Variants in CDC25C observed in about 807,000 individuals in gnomAD.
CDC25C encodes M-phase inducer phosphatase 3.
CDC25C carries 48 observed loss-of-function variants against 52.5 expected under a neutral mutation model. That is an observed-to-expected ratio of 0.91 (90% CI 0.72 to 1.16). The LOEUF (loss-of-function observed/expected upper bound fraction) is 1.16. Among genes scored for constraint, CDC25C ranks in the 50% most tolerant of loss-of-function variants. The pLI is 0.00. For synonymous variants in CDC25C, 187 were observed against 206.5 expected (o/e 0.91, Z 0.81); for missense variants, 510 against 566.1 (o/e 0.90, Z 1.01).
intron 7 of CDC25C, among the ~76,000 whole-genome samples, chr5:138,311,552 G>A (rs1278938118): frequency 2.0e-5 from 3 of 151,970 alleles, no homozygotes; most frequent in Admixed American, 6.6e-5. Context: ...CTATGTGATC[G>A]CATCACTATA....
At chr5:138,291,880 A>C (rs929106923) in intron 8 of CDC25C, 90 bp downstream of exon 8, 4 of 1,048,728 alleles carry the variant, frequency 3.8e-6, no homozygotes, top group Non-Finnish European at 5.4e-6. Context: ...GGAAGAAGAC[A>C]AAAAAGGCAT....
At chr5:138,295,384 G>T (rs7716275) in intron 7 of CDC25C, among the ~76,000 whole-genome samples, 22,571 of 152,180 alleles carry the variant, frequency 0.15, 1,921 homozygotes, top group South Asian at 0.23. Flanking sequence ...GCCAAGGTGA[G>T]TCCAAATCGC....
chr5:138,303,949 A>G (rs1277046387), intron 7 of CDC25C, among the ~76,000 whole-genome samples: 1 of 152,182 alleles, frequency 6.6e-6, no homozygotes, highest in Non-Finnish European at 1.5e-5. Flanking sequence ...GGCAAGAGCG[A>G]CTGCAGATTA....
chr5:138,301,239 A>G (rs1422332167), intron 7 of CDC25C, among the ~76,000 whole-genome samples: 2 of 152,224 alleles, frequency 1.3e-5, no homozygotes, highest in African/African-American at 4.8e-5. Flanking sequence ...CAGAGGACAC[A>G]TATAACCAAT....
chr5:138,320,528 T>C (rs997936455), intron 6 of CDC25C, among the ~76,000 whole-genome samples: 3 of 151,862 alleles, frequency 2.0e-5, no homozygotes, highest in Non-Finnish European at 4.4e-5. Context: ...TTACGCTAAA[T>C]GAAAATATAG....
chr5:138,313,848 C>T (rs1052453589), intron 7 of CDC25C, among the ~76,000 whole-genome samples: 2 of 152,112 alleles, frequency 1.3e-5, no homozygotes, highest in Non-Finnish European at 2.9e-5. Flanking sequence ...AAACAGAACA[C>T]ATCTATTCCC....
At chr5:138,290,608 T>C in intron 9 of CDC25C, 31 bp downstream of exon 9, 1 of 1,196,688 alleles carries the variant, frequency 8.4e-7, no homozygotes. Context: ...AATGACTCAC[T>C]GAAATACAGG....
At chr5:138,329,148 C>A (rs570917284) in intron 3 of CDC25C, among the ~76,000 whole-genome samples, 1 of 152,262 alleles carries the variant, frequency 6.6e-6, no homozygotes, top group African/African-American at 2.4e-5. Context: ...CGTGACCCGC[C>A]CGCCTTGCCC....
chr5:138,320,744 T>C (rs1477175753), intron 6 of CDC25C, among the ~76,000 whole-genome samples: 2 of 151,092 alleles, frequency 1.3e-5, no homozygotes, highest in Non-Finnish European at 2.9e-5. Flanking sequence ...TGAAACTCCG[T>C]CTCTACTAAA....
At chr5:138,302,542 A>C (rs940931339) in intron 7 of CDC25C, among the ~76,000 whole-genome samples, 6 of 151,504 alleles carry the variant, frequency 4.0e-5, no homozygotes, top group African/African-American at 1.5e-4. Flanking sequence ...TCTACTAAAA[A>C]TACAAAATTA....
At chr5:138,333,001 C>T (rs1455898909), upstream of CDC25C, among the ~76,000 whole-genome samples, 1 of 152,140 alleles carries the variant, frequency 6.6e-6, no homozygotes, top group East Asian at 1.9e-4. Context: ...CACTAACCAC[C>T]TGAGGACCTG....
chr5:138,287,215 A>G lies in CDC25C; in HGVS notation c.980T>C (p.Val327Ala), dbSNP rs1183327429. 1.2e-6 allele frequency: 2 copies of G among 1,613,980 alleles called. No homozygotes were observed. The highest frequency in any genetic ancestry group is 1.7e-6 in the Non-Finnish European group (2 of 1,179,984). ...CTCATATGGATAGCGACAATCAATG[A>G]CATAAAACTTCTCAATCAGACCCTG... ...KFQGLIEKFY[V>A]IDCRYPYEYL... Residue 327 changes from valine (V) to alanine (A), a missense_variant, in exon 11 of 14, where the codon GTC (valine) becomes GCC (alanine). By Grantham distance (64) the Val-to-Ala change is moderately conservative. Coordinates refer to ENST00000323760, the MANE Select transcript of CDC25C (RefSeq NM_001790.5).
chr5:138,310,884 T>A (rs952179814), intron 7 of CDC25C, among the ~76,000 whole-genome samples: 3 of 152,144 alleles, frequency 2.0e-5, no homozygotes, highest in African/African-American at 7.2e-5. Flanking sequence ...AACTTTTCCA[T>A]AAAGGAGAAT....
At chr5:138,312,865 A>AT (rs571714724) in intron 7 of CDC25C, among the ~76,000 whole-genome samples, 109 of 152,104 alleles carry the variant, frequency 7.2e-4, no homozygotes, top group South Asian at 2.7e-3. Flanking sequence ...CATAAAACTG[A>AT]TTTTTTTTAA....
At chr5:138,286,373 C>T (rs1756230893) in intron 12 of CDC25C, 124 bp downstream of exon 12, 2 of 1,129,258 alleles carry the variant, frequency 1.8e-6, no homozygotes, top group African/African-American at 3.1e-5. Context: ...TTAGAAACGT[C>T]TTCCTTCAAC....
rs970861923 is a variant in CDC25C, at chr5:138,290,671, T to C, written c.832A>G (p.Asn278Asp). 19 of 1,611,586 alleles carry C rather than the reference T, an allele frequency of 1.2e-5. No individual in the cohort carries two copies. Among genetic ancestry groups the C allele is most frequent in the Non-Finnish European group, 1.6e-5 (19 of 1,177,716 alleles). The change falls in exon 9 of 14, where the codon AAC becomes GAC. Residue 278 changes from asparagine (N) to aspartate (D), a missense_variant. By Grantham distance (23) the Asn-to-Asp change is conservative. Coordinates refer to ENST00000323760, the MANE Select transcript of CDC25C (RefSeq NM_001790.5). ...TITQMLEEDS[N>D]QGHLIGDFSK... ...AAATCACCAATCAGGTGCCCCTGGTTAGAATCTTCCTCCAGCATCTGAGTG... is the reference window on the plus strand; with the variant it reads ...AAATCACCAATCAGGTGCCCCTGGTCAGAATCTTCCTCCAGCATCTGAGTG...
At chr5:138,317,005 A>G (rs1329636879) in intron 7 of CDC25C, among the ~76,000 whole-genome samples, 1 of 152,230 alleles carries the variant, frequency 6.6e-6, no homozygotes. Context: ...GCAACACCCT[A>G]AAGATCCCGC....
rs761079370 is a variant in CDC25C, at chr5:138,285,674, C to T, written c.*18G>A. ...GTGTCTTTTGGTGACTTGTTAGCAG[C>T]CAGTGGCTGGAATGTTATCATGGGC... On this transcript the variant is annotated 3_prime_UTR_variant, in exon 14 of 14. Coordinates refer to ENST00000323760, the MANE Select transcript of CDC25C (RefSeq NM_001790.5). The T allele has an allele frequency of 2.5e-6, 4 of 1,612,034 alleles. No homozygotes were observed. The Admixed American group carries it at 5.0e-5, about 20-fold the overall frequency.
At chr5:138,291,486 T>C (rs1756707980) in intron 8 of CDC25C, among the ~76,000 whole-genome samples, 1 of 151,582 alleles carries the variant, frequency 6.6e-6, no homozygotes, top group African/African-American at 2.4e-5. Context: ...TGGCACAATC[T>C]TGGCTCACTG....
Sources: gnomAD v4.1 joint callset for allele counts (sites outside exome capture counted in the v4.1 genomes callset) on GRCh38, gnomAD v4.1.1 for gene constraint, MANE v1.5 for transcripts, NCBI Gene and HGNC (gene_info 2026-07-23, HGNC 2026-07-21) for gene names.